Variants in STPG4 observed in about 807,000 individuals in gnomAD.
STPG4 encodes protein STPG4.
A neutral mutation model predicts 31.5 loss-of-function variants in STPG4; 41 were observed. The ratio of observed to expected loss-of-function variants is 1.30; its 90% CI spans 1.01 to 1.69. The LOEUF (loss-of-function observed/expected upper bound fraction) is 1.69, where lower values mean the gene tolerates loss of function less well. STPG4 is among the 40% of genes most tolerant of loss of function. The pLI is 0.00. For missense variants in STPG4, 375 were observed against 293.4 expected (o/e 1.28, Z -2.03); for synonymous variants, 141 against 103.0 (o/e 1.37, Z -2.24).
At chr2:47,124,817 CTA>C (rs1686335137) in intron 5 of STPG4, among the ~76,000 whole-genome samples, 1 of 152,146 alleles carries the variant, frequency 6.6e-6, no homozygotes, top group Admixed American at 6.5e-5. Flanking sequence ...TATGGTAGCT[CTA>C]TGTTTACTTT....
At chr2:47,099,600 C>T (rs1037385360) in intron 5 of STPG4, among the ~76,000 whole-genome samples, 24 of 152,272 alleles carry the variant, frequency 1.6e-4, no homozygotes, top group African/African-American at 4.8e-4. Flanking sequence ...TCGCTCTCGG[C>T]GCCTCCTCTG....
intron 5 of STPG4, among the ~76,000 whole-genome samples, chr2:47,119,355 C>T (rs551927566): frequency 1.3e-5 from 2 of 152,172 alleles, no homozygotes; most frequent in Non-Finnish European, 2.9e-5. Context: ...GAGGTGATAT[C>T]AGTAAAAGTG....
intron 5 of STPG4, among the ~76,000 whole-genome samples, chr2:47,102,003 C>T (rs980618204): frequency 6.6e-6 from 1 of 151,808 alleles, no homozygotes; most frequent in Non-Finnish European, 1.5e-5. Context: ...TCTAGGAGGA[C>T]AGGCAAGGGT....
At chr2:47,143,003 A>C (rs1285183118) in intron 3 of STPG4, among the ~76,000 whole-genome samples, 1 of 151,746 alleles carries the variant, frequency 6.6e-6, no homozygotes, top group African/African-American at 2.4e-5. Flanking sequence ...ACACATGGCT[A>C]ATTTTTTTGT....
chr2:47,118,750 TA>T (rs1395817230), intron 5 of STPG4, among the ~76,000 whole-genome samples: 2 of 152,154 alleles, frequency 1.3e-5, no homozygotes, highest in Non-Finnish European at 1.5e-5. Flanking sequence ...AAATTAATAC[TA>T]TCTCCCCAAG....
intron 3 of STPG4, 69 bp from the exon 4 acceptor site, chr2:47,130,329 C>G (rs1313287558): frequency 2.5e-6 from 3 of 1,221,110 alleles, no homozygotes; most frequent in Non-Finnish European, 2.4e-6. Context: ...ATCTGTCATT[C>G]GTAATCTTTT....
At chr2:47,095,936 C>A (rs375815752) in intron 5 of STPG4, among the ~76,000 whole-genome samples, 1 of 152,202 alleles carries the variant, frequency 6.6e-6, no homozygotes, top group East Asian at 1.9e-4. Context: ...GTTCCCTACT[C>A]TCTGGGACCA....
intron 3 of STPG4, among the ~76,000 whole-genome samples, chr2:47,138,617 T>G (rs1686644903): frequency 6.6e-6 from 1 of 152,108 alleles, no homozygotes; most frequent in South Asian, 2.1e-4. Flanking sequence ...TGCCATGATC[T>G]CAGCTCACTG....
chr2:47,101,596 C>G lies in STPG4; in HGVS notation c.520-11222G>C, dbSNP rs527299509. ...ATAAGAATGATTTCTACTATAAACT[C>G]CAGGACTCTGTTACCTTCTTTAGGC... On this transcript the variant is annotated intron_variant, in intron 5 of 6. Coordinates refer to ENST00000445927, the MANE Select transcript of STPG4 (RefSeq NM_001163561.2). 1.7e-4 allele frequency among the ~76,000 whole-genome samples: 26 copies of G among 151,882 alleles called. 1 individual carries two copies. Among genetic ancestry groups the G allele is most frequent in the Admixed American group, 1.6e-3 (24 of 15,274 alleles).
At chr2:47,145,357 C>A (rs1165427213) in intron 3 of STPG4, among the ~76,000 whole-genome samples, 2 of 152,206 alleles carry the variant, frequency 1.3e-5, no homozygotes, top group African/African-American at 2.4e-5. Context: ...AAGGGGACTG[C>A]AGAGAGTTGC....
intron 5 of STPG4, among the ~76,000 whole-genome samples, chr2:47,119,644 T>C (rs2103766083): frequency 6.6e-6 from 1 of 150,972 alleles, no homozygotes; most frequent in South Asian, 2.1e-4. Context: ...TGCATTTATC[T>C]CCATTCTTTT....
At chr2:47,097,045 G>T (rs550472686) in intron 5 of STPG4, among the ~76,000 whole-genome samples, 2 of 152,288 alleles carry the variant, frequency 1.3e-5, no homozygotes, top group African/African-American at 4.8e-5. Context: ...GAGGACACAG[G>T]TGGACAGGGA....
intron 5 of STPG4, among the ~76,000 whole-genome samples, chr2:47,109,390 C>G (rs1277637723): frequency 1.3e-5 from 2 of 152,038 alleles, no homozygotes. Flanking sequence ...AACCCCATCT[C>G]TACTAAAAAT....
chr2:47,090,591 G>C (rs993974823), intron 5 of STPG4, among the ~76,000 whole-genome samples: 1 of 152,184 alleles, frequency 6.6e-6, no homozygotes, highest in African/African-American at 2.4e-5. Context: ...ATGGTGAGGA[G>C]TGAAGGAACG....
chr2:47,119,675 G>C (rs75304043), intron 5 of STPG4, among the ~76,000 whole-genome samples: 2 of 152,088 alleles, frequency 1.3e-5, no homozygotes, highest in South Asian at 4.1e-4. Flanking sequence ...AAAAAAAGAC[G>C]TAACTATTGT....
chr2:47,102,369 A>T lies in STPG4; in HGVS notation c.520-11995T>A, dbSNP rs182963727. On this transcript the variant is annotated intron_variant, in intron 5 of 6. Transcript: ENST00000445927. ...TAAGCCTTTGGGACCAATTTGACCC[A>T]TAAACCCTGAAAAAGAGGCAGCTCA... Among the ~76,000 whole-genome samples the T allele has an allele frequency of 2.4e-3, 367 of 152,038 alleles. 1 individual carries two copies. The highest frequency in any genetic ancestry group is 0.01 in the Middle Eastern group (3 of 294).
chr2:47,123,017 G>A (rs1194178161), intron 5 of STPG4, among the ~76,000 whole-genome samples: 1 of 152,078 alleles, frequency 6.6e-6, no homozygotes, highest in Non-Finnish European at 1.5e-5. Context: ...GTAGAGACGG[G>A]GTTTCACCAT....
intron 3 of STPG4, among the ~76,000 whole-genome samples, chr2:47,131,565 G>A (rs568360495): frequency 1.3e-5 from 2 of 152,272 alleles, no homozygotes; most frequent in South Asian, 2.1e-4. Flanking sequence ...AGGAGTGAGA[G>A]GCACCTACAG....
At chr2:47,127,249 A>ATTTT (rs1686382744) in intron 5 of STPG4, among the ~76,000 whole-genome samples, 1 of 73,388 alleles carries the variant, frequency 1.4e-5, no homozygotes, top group African/African-American at 5.8e-5. Context: ...CTTCAAGCTA[A>ATTTT]TTCTTTTTTT....
Sources: allele counts gnomAD v4.1 joint callset (sites outside exome capture counted in the v4.1 genomes callset), GRCh38; gene constraint gnomAD v4.1.1; transcripts MANE v1.5; gene names NCBI Gene and HGNC (gene_info 2026-07-23, HGNC 2026-07-21).